Variants in MIOS observed in about 807,000 individuals in gnomAD.
MIOS encodes the protein GATOR2 complex protein MIOS.
In MIOS, 52 loss-of-function variants were observed where a neutral mutation model predicts 96.9. The observed-to-expected ratio is 0.54, with a 90% CI of 0.43 to 0.68. The LOEUF (loss-of-function observed/expected upper bound fraction) is 0.68, where lower values mean the gene tolerates loss of function less well. Ranked by LOEUF, MIOS falls within the 30% of genes least tolerant of loss-of-function variation. MIOS has a pLI of 0.00. For missense variants in MIOS, 1,005 were observed against 1,052.8 expected (o/e 0.95, Z 0.63); for synonymous variants, 397 against 359.5 (o/e 1.10, Z -1.18).
chr7:7,601,546 C>G (rs1348357432), intron 11 of MIOS, among the ~76,000 whole-genome samples: 3 of 152,110 alleles, frequency 2.0e-5, no homozygotes, highest in Non-Finnish European at 4.4e-5. Flanking sequence ...TCTGAATAGA[C>G]CAATAACAGG....
chr7:7,584,567 T>G (rs1342388947), intron 6 of MIOS, among the ~76,000 whole-genome samples: 3 of 152,118 alleles, frequency 2.0e-5, no homozygotes, highest in Non-Finnish European at 4.4e-5. Flanking sequence ...TTAAAAGACC[T>G]TAAATCTAAT....
In MIOS at chr7:7,573,569, C is replaced by A. The variant is rs542511000; in HGVS notation, c.1094C>A (p.Ser365Tyr). 4 of 1,614,090 alleles carry A rather than the reference C, an allele frequency of 2.5e-6. No homozygotes were observed. In the East Asian group the frequency reaches 8.9e-5, roughly 36 times the overall value. ...TCTCTTGCCTGGAGCCCAATTACATCTTTAATGTGGGCTTGTGGTCGTCAT... is the reference window on the plus strand; with the variant it reads ...TCTCTTGCCTGGAGCCCAATTACATATTTAATGTGGGCTTGTGGTCGTCAT... ...RISLAWSPIT[S>Y]LMWACGRHLY... Residue 365 changes from serine (S) to tyrosine (Y), a missense_variant, in exon 4 of 13, where the codon TCT becomes TAT. Physicochemically the swap from Ser to Tyr is moderately radical, Grantham distance 144. Around this residue, in one of 3 missense-constraint regions of MIOS, gnomAD observed 865 missense variants for 887.9 expected, o/e 0.97. Transcript: ENST00000340080. This position sits in a 1 kb window ranked among gnomAD's most constrained non-coding sequence, Gnocchi z 5.0.
chr7:7,597,468 TTA>T (rs1160646084), intron 11 of MIOS, among the ~76,000 whole-genome samples: 58 of 11,674 alleles, frequency 5.0e-3, no homozygotes, highest in African/African-American at 0.012. Flanking sequence ...CCTAGTAAAT[TTA>T]TATATATATA....
chr7:7,582,440 C>T (rs113902479), intron 5 of MIOS, among the ~76,000 whole-genome samples: 5 of 152,066 alleles, frequency 3.3e-5, no homozygotes, highest in African/African-American at 1.2e-4. Context: ...GATCAACTGC[C>T]TTGATTGCAG....
intron 9 of MIOS, among the ~76,000 whole-genome samples, chr7:7,592,686 C>T (rs1289218872): frequency 2.6e-5 from 4 of 151,918 alleles, no homozygotes; most frequent in African/African-American, 9.7e-5. Context: ...AGCCTAGATC[C>T]CTCACATGTG....
At chr7:7,571,722 T>C (rs1215271217) in intron 3 of MIOS, among the ~76,000 whole-genome samples, 1 of 152,220 alleles carries the variant, frequency 6.6e-6, no homozygotes, top group Non-Finnish European at 1.5e-5. Context: ...GGCATATAAC[T>C]AATATACGGC....
At position 7,572,579 on chromosome 7, in the gene MIOS, A is replaced by T. The variant is rs1783390227; in HGVS notation, c.104A>T (p.Asn35Ile). ...LSLYHVESTV[N>I]SELKAGSLRL... The stretch of plus-strand genomic sequence containing the variant: ...CTTTATCATGTGGAATCTACTGTGA[A>T]TTCAGAACTCAAAGCTGGATCTTTA... Residue 35 changes from asparagine to isoleucine, a missense_variant, in exon 4 of 13, where the codon AAT becomes ATT. By Grantham distance (149) the Asn-to-Ile change is moderately radical. Transcript: ENST00000340080. The surrounding 1 kb of genome is among the most constrained non-coding windows in gnomAD (Gnocchi z 4.8). 1 of 1,614,086 alleles carries T rather than the reference A, an allele frequency of 6.2e-7. No homozygotes were observed. The highest frequency in any genetic ancestry group is 8.5e-7 in the Non-Finnish European group (1 of 1,179,964).
intron 5 of MIOS, among the ~76,000 whole-genome samples, chr7:7,576,441 T>C (rs1284329632): frequency 8.5e-5 from 13 of 152,188 alleles, no homozygotes; most frequent in Non-Finnish European, 5.9e-5. Context: ...GAAGGACTCC[T>C]AATCTGGTTG....
intron 7 of MIOS, among the ~76,000 whole-genome samples, chr7:7,586,569 A>G (rs565554590): frequency 2.6e-5 from 4 of 152,258 alleles, no homozygotes; most frequent in African/African-American, 9.6e-5. Context: ...CTACTGTACC[A>G]TTTCTTATCA....
intron 12 of MIOS, among the ~76,000 whole-genome samples, chr7:7,606,390 C>T (rs1317756796): frequency 6.6e-6 from 1 of 152,142 alleles, no homozygotes; most frequent in East Asian, 1.9e-4. Flanking sequence ...ATTTACCATG[C>T]AATTGAATTA....
rs187136295 is a variant in MIOS at position 7,599,235 on chromosome 7, A to T, written c.2401+2774A>T. ...AGAATTGATGTGAGGCTATTAAGAT[A>T]TTTATTTCTCTTATTTATTAGTGAA... On this transcript the variant is annotated intron_variant, in intron 11 of 12. Transcript: ENST00000340080. Among the ~76,000 whole-genome samples the T allele has an allele frequency of 1.5e-3, 231 of 152,316 alleles. 2 individuals are homozygous for T. The highest frequency in any genetic ancestry group is 5.3e-3 in the African/African-American group (222 of 41,582).
chr7:7,600,989 G>A (rs541685368), intron 11 of MIOS, among the ~76,000 whole-genome samples: 2 of 152,138 alleles, frequency 1.3e-5, no homozygotes, highest in East Asian at 3.9e-4. Flanking sequence ...ACGAAATGAA[G>A]GCAGAAATAA....
Position 7,573,986 on chromosome 7 carries a change from C to T in MIOS, c.1295-112C>T, listed in dbSNP as rs941828381. On this transcript the variant is annotated intron_variant, in intron 4 of 12. Coordinates refer to ENST00000340080, the MANE Select transcript of MIOS (RefSeq NM_019005.4). This position sits in a 1 kb window ranked among gnomAD's most constrained non-coding sequence, Gnocchi z 5.0. Reference sequence around the variant, plus strand: ...GAAAAGTGTATCTCTGCAATAGAGTCGAACCACCTTATTTACACTGATACT... The same window carrying T: ...GAAAAGTGTATCTCTGCAATAGAGTTGAACCACCTTATTTACACTGATACT... 11 of 942,988 alleles carry T rather than the reference C, an allele frequency of 1.2e-5. No individual in the cohort carries two copies. The highest frequency in any genetic ancestry group is 2.9e-5 in the Admixed American group (1 of 34,788). 58.4% of individuals were successfully genotyped at this position (942,988 alleles called of 1,614,324 possible).
At chr7:7,590,636 T>G (rs1784020693) in intron 9 of MIOS, among the ~76,000 whole-genome samples, 1 of 152,232 alleles carries the variant, frequency 6.6e-6, no homozygotes, top group Admixed American at 6.5e-5. Context: ...CTTTTGTTCC[T>G]ATGTTCCTTT....
chr7:7,606,307 A>G (rs1784529524), intron 12 of MIOS, among the ~76,000 whole-genome samples: 1 of 152,260 alleles, frequency 6.6e-6, no homozygotes, highest in South Asian at 2.1e-4. Context: ...TATGAGTTAA[A>G]TGTTTGAATA....
Position 7,579,781 on chromosome 7 carries a change from C to T in MIOS, c.1394-3337C>T, listed in dbSNP as rs563989240. 2.4e-3 allele frequency among the ~76,000 whole-genome samples: 365 copies of T among 152,304 alleles called. 3 individuals are homozygous for T. Among genetic ancestry groups the T allele is most frequent in the African/African-American group, 8.3e-3 (345 of 41,552 alleles). ...ACAAGCTTGCTTTATAGCCTAGGAG[C>T]AACAGGCCCATGTAGCCCAGGTGTG... On this transcript the variant is annotated intron_variant, in intron 5 of 12. Coordinates refer to ENST00000340080, the MANE Select transcript of MIOS (RefSeq NM_019005.4).
In MIOS at chr7:7,583,185, TGAA is replaced by T. The variant is rs1435590176; in HGVS notation, c.1464_1466del (p.Glu489del). ...AGCAAAGTGATATTCAAAATTTAAA[TGAA>T]GAGAGAATCTTAGCTTTACAGCTTT... On this transcript the variant is annotated inframe_deletion, in exon 6 of 13. Transcript: ENST00000340080. 1.9e-6 allele frequency: 3 copies of T among 1,614,164 alleles called. No homozygotes were observed. The highest frequency in any genetic ancestry group is 8.5e-7 in the Non-Finnish European group (1 of 1,180,000).
At chr7:7,593,562 A>G (rs1346150624) in intron 9 of MIOS, among the ~76,000 whole-genome samples, 8 of 152,114 alleles carry the variant, frequency 5.3e-5, no homozygotes, top group African/African-American at 2.4e-5. Context: ...ATGTAAAGTT[A>G]AGGAAGATAT....
Position 7,585,726 on chromosome 7 carries a change from G to A in MIOS, c.1739G>A (p.Arg580Gln), listed in dbSNP as rs749708300. ...SLWREMCSTL[R>Q]LQLNNPYLCV... is the part of the protein sequence containing the mutation. ...TGGAGAGAAATGTGTAGCACACTGC[G>A]ATTACAGCTAAATAACCCGTATTTG... The change falls in exon 7 of 13, where the codon CGA becomes CAA. Residue 580 changes from arginine (R) to glutamine (Q), a missense_variant. Physicochemically the swap from Arg to Gln is conservative, Grantham distance 43. Transcript: ENST00000340080. 8 of 1,612,736 alleles carry A rather than the reference G, an allele frequency of 5.0e-6. No individual in the cohort carries two copies. In the East Asian group the frequency reaches 6.7e-5, roughly 14 times the overall value.
Sources: allele counts gnomAD v4.1 joint callset (sites outside exome capture counted in the v4.1 genomes callset), GRCh38; gene constraint gnomAD v4.1.1; regional missense constraint gnomAD v4.1.1; non-coding constraint Gnocchi (gnomAD v3.1); transcripts MANE v1.5; gene names NCBI Gene and HGNC (gene_info 2026-07-23, HGNC 2026-07-21).